The following CDH10 variants were observed in gnomAD, a reference collection of about 807,000 sequenced individuals.
The protein encoded by CDH10 is cadherin-10.
CDH10 carries 30 observed loss-of-function variants against 73.1 expected under a neutral mutation model. That is an observed-to-expected ratio of 0.41 (90% confidence interval 0.31 to 0.56). The LOEUF (loss-of-function observed/expected upper bound fraction) is 0.56. Ranked by LOEUF, CDH10 falls within the 20% of genes least tolerant of loss-of-function variation. The pLI is 0.27. For missense variants in CDH10, 815 were observed against 973.7 expected, an observed-to-expected ratio of 0.84 and a Z score of 2.17; for synonymous variants, 345 against 348.2, an observed-to-expected ratio of 0.99 and a Z score of 0.10.
chr5:24,613,447 G>A (rs1245560079), intron 1 of CDH10, among the ~76,000 whole-genome samples: 2 of 136,850 alleles, frequency 1.5e-5, no homozygotes, highest in Admixed American at 8.0e-5. Flanking sequence ...CTGTGTAATA[G>A]TTTTCACATT....
intron 1 of CDH10, among the ~76,000 whole-genome samples, chr5:24,595,109 G>T (rs576491870): frequency 4.0e-4 from 59 of 149,134 alleles, no homozygotes; most frequent in African/African-American, 1.4e-3. Context: ...ATTTTGTTTT[G>T]TGTGTGTGTG....
At chr5:24,633,789 T>C (rs1747779765) in intron 1 of CDH10, among the ~76,000 whole-genome samples, 1 of 151,906 alleles carries the variant, frequency 6.6e-6, no homozygotes, top group Non-Finnish European at 1.5e-5. Flanking sequence ...TCATTTTCAA[T>C]GTCATCTTAT....
chr5:24,572,949 A>AAAAAAAAAAG, intron 2 of CDH10, among the ~76,000 whole-genome samples: 1 of 150,000 alleles, frequency 6.7e-6, no homozygotes, highest in Non-Finnish European at 1.5e-5. Flanking sequence ...AAAAAAAAAA[A>AAAAAAAAAAG]AAAAAAAGGA....
At chr5:24,522,721 C>T (rs549151012) in intron 5 of CDH10, among the ~76,000 whole-genome samples, 3 of 152,136 alleles carry the variant, frequency 2.0e-5, no homozygotes, top group Admixed American at 2.0e-4. Flanking sequence ...AAAACATAAC[C>T]CTGCTAAAAA....
At chr5:24,533,414 T>G (rs557035978) in intron 5 of CDH10, among the ~76,000 whole-genome samples, 1 of 152,112 alleles carries the variant, frequency 6.6e-6, no homozygotes, top group Non-Finnish European at 1.5e-5. Context: ...AAATGTATTG[T>G]ACTATACATT....
intron 1 of CDH10, among the ~76,000 whole-genome samples, chr5:24,622,711 G>A (rs918536278): frequency 5.3e-5 from 8 of 151,992 alleles, no homozygotes; most frequent in Non-Finnish European, 1.0e-4. Context: ...TAGCAGGGAG[G>A]CTCTCAATAT....
intron 2 of CDH10, among the ~76,000 whole-genome samples, chr5:24,570,232 G>A (rs1745328143): frequency 6.6e-6 from 1 of 152,086 alleles, no homozygotes; most frequent in Non-Finnish European, 1.5e-5. Flanking sequence ...GAAACAATAA[G>A]TTAAAGACAA....
intron 1 of CDH10, among the ~76,000 whole-genome samples, chr5:24,596,299 C>T (rs747482305): frequency 7.9e-5 from 12 of 151,808 alleles, no homozygotes; most frequent in Non-Finnish European, 1.8e-4. Context: ...TCCATTTAGC[C>T]AAGTGTACCT....
chr5:24,575,805 G>A (rs561976626), intron 2 of CDH10, among the ~76,000 whole-genome samples: 1 of 152,134 alleles, frequency 6.6e-6, no homozygotes, highest in Non-Finnish European at 1.5e-5. Context: ...TTTATAGTGT[G>A]TTTAGATATC....
At chr5:24,618,445 G>A (rs2112161600) in intron 1 of CDH10, among the ~76,000 whole-genome samples, 1 of 152,230 alleles carries the variant, frequency 6.6e-6, no homozygotes. Flanking sequence ...TAAAACTCAT[G>A]TGATTATTCT....
At chr5:24,537,194 T>A (rs1239227400) in intron 3 of CDH10, among the ~76,000 whole-genome samples, 186 bp downstream of exon 3, 1 of 151,932 alleles carries the variant, frequency 6.6e-6, no homozygotes, top group Non-Finnish European at 1.5e-5. Context: ...TTCACAAATC[T>A]GTAGGAAGTG....
chr5:24,555,617 C>T (rs1463027732), intron 2 of CDH10, among the ~76,000 whole-genome samples: 6 of 152,020 alleles, frequency 3.9e-5, no homozygotes, highest in Admixed American at 1.3e-4. Flanking sequence ...CCCAGGAAAC[C>T]GTCAAGAGAA....
In CDH10 at chr5:24,509,809, T is replaced by A. The variant is rs1354492264; in HGVS notation, c.1013A>T (p.Tyr338Phe). The change falls in exon 7 of 12, where the codon TAT becomes TTT. Residue 338 changes from tyrosine to phenylalanine, a missense_variant. By Grantham distance (22) the Tyr-to-Phe change is conservative. Around this residue, in one of 3 missense-constraint regions of CDH10, gnomAD observed 516 missense variants for 636.6 expected, o/e 0.81. Coordinates refer to ENST00000264463, the MANE Select transcript of CDH10 (RefSeq NM_006727.5). ...CAGAGTATAAAGTCTTCGGCTCTCA[T>A]AGTCGAGTGGCTGTATAAAAAAATA... Reference protein sequence around the residue: ...GIITVKKPLDYESRRLYTLKV... With the variant: ...GIITVKKPLDFESRRLYTLKV... 1 of 1,607,330 alleles carries A rather than the reference T, an allele frequency of 6.2e-7. No individual in the cohort carries two copies.
chr5:24,533,037 T>C (rs1051243619), intron 5 of CDH10, among the ~76,000 whole-genome samples: 23 of 152,094 alleles, frequency 1.5e-4, no homozygotes, highest in African/African-American at 5.3e-4. Context: ...GATAAGGTTG[T>C]AAATATTCAT....
intron 1 of CDH10, among the ~76,000 whole-genome samples, chr5:24,627,009 G>A (rs1747531705): frequency 1.3e-5 from 2 of 151,632 alleles, no homozygotes; most frequent in Admixed American, 6.6e-5. Context: ...ATGCAGACAT[G>A]CAAATCCCTT....
At chr5:24,491,895 G>T (rs1029120537) in intron 10 of CDH10, 68 bp from the exon 11 acceptor site, 49 of 890,148 alleles carry the variant, frequency 5.5e-5, no homozygotes, top group Non-Finnish European at 7.7e-5. Context: ...GATCACCAAG[G>T]TTTAACATAT....
chr5:24,569,550 A>G (rs114370536), intron 2 of CDH10, among the ~76,000 whole-genome samples: 2,199 of 152,300 alleles, frequency 0.014, 61 homozygotes, highest in African/African-American at 0.05. Flanking sequence ...AATAATTTTC[A>G]TAAAAATAAT....
intron 1 of CDH10, among the ~76,000 whole-genome samples, chr5:24,625,291 T>C (rs1365989220): frequency 6.6e-6 from 1 of 152,032 alleles, no homozygotes. Context: ...TTTAGTTATA[T>C]TGGAAGTGCC....
intron 2 of CDH10, among the ~76,000 whole-genome samples, chr5:24,591,397 T>A (rs551493633): frequency 6.6e-6 from 1 of 152,092 alleles, no homozygotes; most frequent in Non-Finnish European, 1.5e-5. Context: ...CTGTTAACTC[T>A]AGTAGTTCAG....
Sources: allele counts gnomAD v4.1 joint callset (sites outside exome capture counted in the v4.1 genomes callset), GRCh38; gene constraint gnomAD v4.1.1; regional missense constraint gnomAD v4.1.1; transcripts MANE v1.5; gene names NCBI Gene and HGNC (gene_info 2026-07-23, HGNC 2026-07-21).